Variants in LDB2 observed in about 807,000 individuals in gnomAD.
LDB2 encodes the protein LIM domain binding 2.
LDB2 carries 12 observed loss-of-function variants against 44.3 expected under a neutral mutation model. The ratio of observed to expected loss-of-function variants is 0.27; its 90% confidence interval spans 0.17 to 0.44. LDB2 has a LOEUF of 0.44. Ranked by LOEUF, LDB2 falls within the 20% of genes least tolerant of loss-of-function variation. The probability of loss-of-function intolerance (pLI) is 1.00; values close to 1 mark genes in which losing one functional copy is unlikely to be tolerated. For missense variants in LDB2, 344 were observed against 473.5 expected (o/e 0.73, Z 2.54); for synonymous variants, 164 against 174.8 (o/e 0.94, Z 0.49).
chr4:16,890,171 C>G lies in LDB2; in HGVS notation c.132+8183G>C, dbSNP rs138597796. ...CCCTCCGTGGCTCCAGTCCAGTGAACACTTGGTAGCAGATAAGAATGGACC... is the reference window on the plus strand; with the variant it reads ...CCCTCCGTGGCTCCAGTCCAGTGAAGACTTGGTAGCAGATAAGAATGGACC... On this transcript the variant is annotated intron_variant, in intron 1 of 7. Coordinates refer to ENST00000304523, the MANE Select transcript of LDB2 (RefSeq NM_001290.5). Among the ~76,000 whole-genome samples the G allele has an allele frequency of 1.7e-3, 261 of 152,288 alleles. 2 individuals carry two copies. Among genetic ancestry groups the G allele is most frequent in the African/African-American group, 6.0e-3 (251 of 41,572 alleles).
intron 2 of LDB2, among the ~76,000 whole-genome samples, chr4:16,604,335 T>G (rs1723341012): frequency 6.6e-6 from 1 of 152,080 alleles, no homozygotes. Flanking sequence ...TGGGGAATGT[T>G]TTAAAAAGTT....
intron 3 of LDB2, among the ~76,000 whole-genome samples, chr4:16,594,169 A>G (rs1720082347): frequency 6.6e-6 from 1 of 151,960 alleles, no homozygotes; most frequent in Admixed American, 6.6e-5. Context: ...CCTAGAGGAA[A>G]AAAGAAAAAA....
intron 2 of LDB2, among the ~76,000 whole-genome samples, chr4:16,755,521 G>GTGTGTA (rs1766395514): frequency 2.0e-5 from 1 of 51,150 alleles, no homozygotes. Context: ...GTGTGTGTGT[G>GTGTGTA]TGTATGTGAG....
chr4:16,793,686 T>C (rs559174122), intron 1 of LDB2, among the ~76,000 whole-genome samples: 2 of 152,346 alleles, frequency 1.3e-5, no homozygotes, highest in African/African-American at 2.4e-5. Flanking sequence ...TAATGATTCC[T>C]CTTTGTAACC....
chr4:16,829,680 AT>A (rs1783714765), intron 1 of LDB2, among the ~76,000 whole-genome samples: 1 of 152,190 alleles, frequency 6.6e-6, no homozygotes, highest in Non-Finnish European at 1.5e-5. Flanking sequence ...AAAGGAGGTG[AT>A]GTCACTTAGT....
At chr4:16,770,688 A>G (rs1460810918) in intron 1 of LDB2, among the ~76,000 whole-genome samples, 1 of 152,184 alleles carries the variant, frequency 6.6e-6, no homozygotes, top group Non-Finnish European at 1.5e-5. Flanking sequence ...GCCTGTTGCA[A>G]TCTCTACTCT....
intron 2 of LDB2, among the ~76,000 whole-genome samples, chr4:16,621,265 G>T (rs557885836): frequency 6.6e-6 from 1 of 152,182 alleles, no homozygotes; most frequent in African/African-American, 2.4e-5. Context: ...GTTGACCTGG[G>T]AACTTGGCAG....
chr4:16,671,291 G>A (rs1744703505), intron 2 of LDB2, among the ~76,000 whole-genome samples: 1 of 151,970 alleles, frequency 6.6e-6, no homozygotes, highest in Admixed American at 6.6e-5. Context: ...TCTATTCTGG[G>A]GTACTTTGAA....
intron 2 of LDB2, among the ~76,000 whole-genome samples, chr4:16,742,721 C>T (rs892470278): frequency 6.6e-6 from 1 of 152,168 alleles, no homozygotes; most frequent in Non-Finnish European, 1.5e-5. Context: ...TCCCCATCAC[C>T]TTTTCTATAG....
chr4:16,519,799 A>C (rs1268451357), intron 5 of LDB2, among the ~76,000 whole-genome samples: 1 of 151,902 alleles, frequency 6.6e-6, no homozygotes, highest in East Asian at 2.0e-4. Context: ...AGTTTGAAAC[A>C]AAGTAAGTAA....
chr4:16,670,369 C>T (rs1031255623), intron 2 of LDB2, among the ~76,000 whole-genome samples: 8 of 152,126 alleles, frequency 5.3e-5, no homozygotes, highest in African/African-American at 1.9e-4. Flanking sequence ...CTATGAATGT[C>T]CTATTTCAGA....
intron 5 of LDB2, among the ~76,000 whole-genome samples, chr4:16,571,921 T>G (rs1746673511): frequency 6.6e-6 from 1 of 152,246 alleles, no homozygotes; most frequent in African/African-American, 2.4e-5. Context: ...CATATTTGTT[T>G]ATTACCACCT....
intron 2 of LDB2, among the ~76,000 whole-genome samples, chr4:16,613,058 T>C (rs1027893308): frequency 5.3e-5 from 7 of 132,264 alleles, no homozygotes; most frequent in Admixed American, 1.6e-4. Flanking sequence ...ATATGCAACA[T>C]ATGCAAATCA....
Position 16,738,303 on chromosome 4 carries a change from G to A in LDB2, c.235+20855C>T, listed in dbSNP as rs544513724. On this transcript the variant is annotated intron_variant, in intron 2 of 7. Coordinates refer to ENST00000304523, the MANE Select transcript of LDB2 (RefSeq NM_001290.5). ...CTCACCCACCTCCCCAACACCAAAA[G>A]GGATTGCACAACTTTGTCACCCTGA... Among the ~76,000 whole-genome samples, 37 of 152,230 alleles carry A rather than the reference G, an allele frequency of 2.4e-4. No individual in the cohort carries two copies. The South Asian group carries it at 7.5e-3, about 31-fold the overall frequency.
intron 5 of LDB2, among the ~76,000 whole-genome samples, chr4:16,559,830 A>C (rs1741361422): frequency 6.6e-6 from 1 of 152,188 alleles, no homozygotes; most frequent in African/African-American, 2.4e-5. Context: ...AGCTCTCCTC[A>C]GCAAATGTAA....
chr4:16,782,563 G>A (rs1445427184), intron 1 of LDB2, among the ~76,000 whole-genome samples: 4 of 152,008 alleles, frequency 2.6e-5, no homozygotes, highest in African/African-American at 4.8e-5. Context: ...TATTAGCCAC[G>A]ATTGTCTCAA....
At position 16,843,580 on chromosome 4, in the gene LDB2, C is replaced by T. The variant is rs927629766; in HGVS notation, c.132+54774G>A. ...TATCAAACAGCATAAAAACAGGGTGCCATTTTAAAAAAAATGCTATTTTAT... is the reference window on the plus strand; with the variant it reads ...TATCAAACAGCATAAAAACAGGGTGTCATTTTAAAAAAAATGCTATTTTAT... On this transcript the variant is annotated intron_variant, in intron 1 of 7. Coordinates refer to ENST00000304523, the MANE Select transcript of LDB2 (RefSeq NM_001290.5). 5.3e-5 allele frequency among the ~76,000 whole-genome samples: 8 copies of T among 151,974 alleles called. No individual in the cohort carries two copies. In the South Asian group the frequency reaches 1.5e-3, roughly 28 times the overall value.
chr4:16,626,059 T>A (rs1211951664), intron 2 of LDB2, among the ~76,000 whole-genome samples: 1 of 152,196 alleles, frequency 6.6e-6, no homozygotes, highest in Admixed American at 6.5e-5. Context: ...CATATTTGAT[T>A]GAACCATGGC....
chr4:16,554,599 G>C (rs1225548574), intron 5 of LDB2, among the ~76,000 whole-genome samples: 1 of 152,180 alleles, frequency 6.6e-6, no homozygotes, highest in East Asian at 1.9e-4. Flanking sequence ...GCACTGAAAA[G>C]AAATGAGTGA....
Sources: allele counts gnomAD v4.1 joint callset (sites outside exome capture counted in the v4.1 genomes callset), GRCh38; gene constraint gnomAD v4.1.1; transcripts MANE v1.5; gene names NCBI Gene and HGNC (gene_info 2026-07-23, HGNC 2026-07-21).